Variants in PARD3B observed in about 807,000 individuals in gnomAD.
PARD3B encodes the protein par-3 family cell polarity regulator beta, also known as partitioning defective 3 homolog B.
A neutral mutation model predicts 130.2 loss-of-function variants in PARD3B; 103 were observed. The ratio of observed to expected loss-of-function variants is 0.79; its 90% confidence interval spans 0.67 to 0.93. PARD3B has a LOEUF of 0.93. PARD3B is among the 40% of genes least tolerant of loss of function. The probability of loss-of-function intolerance (pLI) is 0.00; values close to 1 mark genes in which losing one functional copy is unlikely to be tolerated. For missense variants in PARD3B, 1,609 were observed against 1,499.2 expected (o/e 1.07, Z -1.21); for synonymous variants, 583 against 553.2 (o/e 1.05, Z -0.76).
intron 2 of PARD3B, among the ~76,000 whole-genome samples, chr2:204,963,041 A>T (rs1338951362): frequency 6.6e-6 from 1 of 152,214 alleles, no homozygotes; most frequent in Non-Finnish European, 1.5e-5. Context: ...GACAGTAGAC[A>T]GTCTTCATTG....
intron 2 of PARD3B, among the ~76,000 whole-genome samples, chr2:204,738,835 C>T (rs1188464009): frequency 6.6e-6 from 1 of 152,158 alleles, no homozygotes; most frequent in East Asian, 1.9e-4. Context: ...CTGCTAACAT[C>T]AGGAGAAAAC....
Position 204,902,396 on chromosome 2 carries a change from G to A in PARD3B, c.223-62756G>A, listed in dbSNP as rs576414186. On this transcript the variant is annotated intron_variant, in intron 2 of 22. Coordinates refer to ENST00000406610, the MANE Select transcript of PARD3B (RefSeq NM_001302769.2). ...TATAAAGAATGAGTTTCAGCCAGGC[G>A]CGGTGGCTCAGGCCTGTTATCCCAG... Among the ~76,000 whole-genome samples the A allele has an allele frequency of 1.7e-4, 26 of 152,210 alleles. 1 individual carries two copies. The South Asian group carries it at 4.6e-3, about 27-fold the overall frequency.
At chr2:204,702,434 G>C (rs190728095) in intron 2 of PARD3B, among the ~76,000 whole-genome samples, 30 of 152,158 alleles carry the variant, frequency 2.0e-4, no homozygotes, top group African/African-American at 7.2e-4. Context: ...AAGCCATTCT[G>C]ACTGGTATAA....
At position 205,301,477 on chromosome 2, in the gene PARD3B, T is replaced by C. The variant is rs2041995321; in HGVS notation, c.2406T>C (p.Asp802=). 6.2e-7 allele frequency: 1 copy of C among 1,612,150 alleles called. No individual in the cohort carries two copies. Among genetic ancestry groups the C allele is most frequent in the Non-Finnish European group, 8.5e-7 (1 of 1,179,500 alleles). Reference sequence around the variant, plus strand: ...TTCTCTGTACAGACGGTCTGTCTGATAAGAGCTCTCACTCTGGCCAAGGAG... The same window carrying C: ...TTCTCTGTACAGACGGTCTGTCTGACAAGAGCTCTCACTCTGGCCAAGGAG... ...PEEIEADGLS[D]KSSHSGQGAL... is the part of the protein sequence containing the mutation. The change falls in exon 18 of 23, where the codon GAT becomes GAC. Residue 802 remains aspartate (D), a synonymous_variant. Transcript: ENST00000406610. The surrounding 1 kb of genome is among the most constrained non-coding windows in gnomAD (Gnocchi z 5.2).
intron 14 of PARD3B, among the ~76,000 whole-genome samples, chr2:205,186,905 G>C (rs1203783665): frequency 6.6e-6 from 1 of 152,108 alleles, no homozygotes; most frequent in Non-Finnish European, 1.5e-5. Context: ...CATAAAAAAA[G>C]CCATTTAAAA....
intron 18 of PARD3B, among the ~76,000 whole-genome samples, chr2:205,377,284 T>C (rs2105923369): frequency 6.6e-6 from 1 of 152,194 alleles, no homozygotes; most frequent in African/African-American, 2.4e-5. Context: ...CTGAACAAGG[T>C]TTCACCTGGA....
In PARD3B at chr2:205,405,891, C is replaced by T. The variant is rs1284182865; in HGVS notation, c.2741+4768C>T. On this transcript the variant is annotated intron_variant, in intron 19 of 22. Coordinates refer to ENST00000406610, the MANE Select transcript of PARD3B (RefSeq NM_001302769.2). This position sits in a 1 kb window ranked among gnomAD's most constrained non-coding sequence, Gnocchi z 4.1. Reference sequence around the variant, plus strand: ...CATTTGCCTGATGGTTTTAGTTGAGCATAAGTTTAGCATGAGTCAACATGT... The same window carrying T: ...CATTTGCCTGATGGTTTTAGTTGAGTATAAGTTTAGCATGAGTCAACATGT... 6.6e-6 allele frequency among the ~76,000 whole-genome samples: 1 copy of T among 152,192 alleles called. No individual in the cohort carries two copies. Among genetic ancestry groups the T allele is most frequent in the Non-Finnish European group, 1.5e-5 (1 of 68,034 alleles).
intron 15 of PARD3B, among the ~76,000 whole-genome samples, chr2:205,201,778 G>A (rs752538241): frequency 3.3e-5 from 5 of 152,124 alleles, no homozygotes; most frequent in African/African-American, 4.8e-5. Flanking sequence ...TGGAGTTTGC[G>A]GTGAGCGGAG....
chr2:205,313,832 T>G (rs1311984144), intron 18 of PARD3B, among the ~76,000 whole-genome samples: 1 of 152,212 alleles, frequency 6.6e-6, no homozygotes, highest in East Asian at 1.9e-4. Flanking sequence ...TAAAAGGAAC[T>G]TTCATAGGCA....
At position 205,197,074 on chromosome 2, in the gene PARD3B, T is replaced by TGTGTGTGTGA. The variant is rs1215097347; in HGVS notation, c.2140+3755_2140+3756insTGTGTGTGAG. Reference sequence around the variant, plus strand: ...GTGTGTGTGTGTGTGTGTGTGTGTGTGAGAGAGAGAGAGAGAGAGCATGCA... The same window carrying TGTGTGTGTGA: ...GTGTGTGTGTGTGTGTGTGTGTGTGTGTGTGTGTGAGAGAGAGAGAGAGAGAGAGCATGCA... On this transcript the variant is annotated intron_variant, in intron 15 of 22. Coordinates refer to ENST00000406610, the MANE Select transcript of PARD3B (RefSeq NM_001302769.2). 5.8e-3 allele frequency among the ~76,000 whole-genome samples: 832 copies of TGTGTGTGTGA among 143,312 alleles called. 4 individuals carry two copies. Among genetic ancestry groups the TGTGTGTGTGA allele is most frequent in the Non-Finnish European group, 0.01 (679 of 65,142 alleles). The allele number at this position is 143,312 out of a possible 152,430, so 94.0% of individuals were successfully genotyped here.
chr2:204,851,900 C>T (rs1559198504), intron 2 of PARD3B, among the ~76,000 whole-genome samples: 1 of 152,108 alleles, frequency 6.6e-6, no homozygotes. Context: ...ACCATATTGG[C>T]CAGGCTGGTC....
intron 20 of PARD3B, among the ~76,000 whole-genome samples, chr2:205,482,057 G>T (rs1488087300): frequency 6.6e-6 from 1 of 152,114 alleles, no homozygotes. Flanking sequence ...TTGAGGACCT[G>T]CCCCATGCGA....
intron 21 of PARD3B, among the ~76,000 whole-genome samples, chr2:205,542,924 A>G (rs1422725597): frequency 6.6e-6 from 1 of 152,246 alleles, no homozygotes. Flanking sequence ...AGGCATAACC[A>G]TAAAACAGAT....
At chr2:205,234,991 G>A (rs982835443) in intron 15 of PARD3B, among the ~76,000 whole-genome samples, 2 of 152,134 alleles carry the variant, frequency 1.3e-5, no homozygotes, top group Non-Finnish European at 2.9e-5. Context: ...TGAACTACAT[G>A]AAAATAAAAA....
chr2:204,563,152 C>T (rs1326749250), intron 1 of PARD3B, among the ~76,000 whole-genome samples: 1 of 151,146 alleles, frequency 6.6e-6, no homozygotes, highest in Non-Finnish European at 1.5e-5. Flanking sequence ...CAGCCCAGGG[C>T]ATTTCTGAGC....
In PARD3B at chr2:205,258,118, G is replaced by C. The variant is rs571905668; in HGVS notation, c.2185+12296G>C. On this transcript the variant is annotated intron_variant, in intron 16 of 22. Transcript: ENST00000406610. The surrounding 1 kb of genome is among the most constrained non-coding windows in gnomAD (Gnocchi z 4.9). ...GAGAGAGAAACATAACAGATGCAAT[G>C]GTACACTTCCATGTGGGCCTGGAAA... Among the ~76,000 whole-genome samples the C allele has an allele frequency of 3.3e-5, 5 of 152,210 alleles. No individual in the cohort carries two copies. Among genetic ancestry groups the C allele is most frequent in the African/African-American group, 1.2e-4 (5 of 41,520 alleles).
chr2:204,706,226 G>C (rs2038144719), intron 2 of PARD3B, among the ~76,000 whole-genome samples: 1 of 152,012 alleles, frequency 6.6e-6, no homozygotes, highest in Non-Finnish European at 1.5e-5. Flanking sequence ...AATTAGCCGG[G>C]CATGGTGGCA....
intron 22 of PARD3B, among the ~76,000 whole-genome samples, chr2:205,569,093 C>A (rs568313138): frequency 5.3e-5 from 8 of 152,072 alleles, no homozygotes; most frequent in Non-Finnish European, 8.8e-5. Context: ...TAAAAAGTAA[C>A]GATTATGATC....
intron 18 of PARD3B, among the ~76,000 whole-genome samples, chr2:205,383,043 G>A (rs2045510435): frequency 6.8e-6 from 1 of 146,784 alleles, no homozygotes; most frequent in South Asian, 2.2e-4. Flanking sequence ...GAGTATCATT[G>A]TTTCTAGACT....
Sources: gnomAD v4.1 joint callset for allele counts (sites outside exome capture counted in the v4.1 genomes callset) on GRCh38, gnomAD v4.1.1 for gene constraint, Gnocchi (gnomAD v3.1) non-coding constraint, MANE v1.5 for transcripts, NCBI Gene and HGNC (gene_info 2026-07-23, HGNC 2026-07-21) for gene names.